The following ABCA13 variants were observed in gnomAD, a reference collection of about 807,000 sequenced individuals.
The protein encoded by ABCA13 is ATP binding cassette subfamily A member 13.
ABCA13 carries 476 observed loss-of-function variants against 478.7 expected under a neutral mutation model. The ratio of observed to expected loss-of-function variants is 0.99; its 90% CI spans 0.92 to 1.07. The LOEUF (loss-of-function observed/expected upper bound fraction) is 1.07, where lower values mean the gene tolerates loss of function less well. Among genes scored for constraint, ABCA13 ranks in the 50% least tolerant of loss-of-function variants. The pLI is 0.00. For missense variants in ABCA13, 6,060 were observed against 5,910.6 expected (o/e 1.03, Z -0.83); for synonymous variants, 2,252 against 2,158.9 (o/e 1.04, Z -1.20).
intron 59 of ABCA13, among the ~76,000 whole-genome samples, chr7:48,622,557 A>T (rs1396913446): frequency 2.0e-5 from 3 of 152,134 alleles, no homozygotes; most frequent in Non-Finnish European, 4.4e-5. Context: ...TTGCATCACT[A>T]TATTCCCTTC....
At chr7:48,546,109 G>A (rs1646103881) in intron 55 of ABCA13, among the ~76,000 whole-genome samples, 1 of 151,710 alleles carries the variant, frequency 6.6e-6, no homozygotes, top group Non-Finnish European at 1.5e-5. Context: ...GAAACAAGGT[G>A]GCAGGTCACC....
chr7:48,231,709 G>A (rs1562833082), intron 7 of ABCA13, among the ~76,000 whole-genome samples: 3 of 151,854 alleles, frequency 2.0e-5, no homozygotes, highest in Non-Finnish European at 4.4e-5. Context: ...TTGCCCAGGC[G>A]GCAGTGCAGC....
chr7:48,207,324 G>C (rs1785056120), intron 3 of ABCA13, among the ~76,000 whole-genome samples: 1 of 151,952 alleles, frequency 6.6e-6, no homozygotes. Context: ...ACAGCAGTTG[G>C]ATTGCTAGAT....
At chr7:48,486,181 A>G (rs932738929) in intron 47 of ABCA13, among the ~76,000 whole-genome samples, 2 of 152,166 alleles carry the variant, frequency 1.3e-5, no homozygotes, top group African/African-American at 4.8e-5. Flanking sequence ...ATGCCAGAAT[A>G]CTAGAGGACA....
At chr7:48,454,929 T>C in intron 42 of ABCA13, 108 bp from the exon 43 acceptor site, 4 of 1,385,434 alleles carry the variant, frequency 2.9e-6, no homozygotes, top group Non-Finnish European at 3.8e-6. Context: ...CTGCGTCGCA[T>C]TCCCATGGCT....
intron 5 of ABCA13, among the ~76,000 whole-genome samples, chr7:48,221,766 G>A (rs1040292038): frequency 2.0e-5 from 3 of 152,188 alleles, no homozygotes; most frequent in Non-Finnish European, 2.9e-5. Flanking sequence ...GTGGACCAGT[G>A]GGGAGGGTAA....
intron 59 of ABCA13, among the ~76,000 whole-genome samples, chr7:48,634,467 G>A (rs1409933533): frequency 6.6e-6 from 1 of 152,040 alleles, no homozygotes; most frequent in East Asian, 1.9e-4. Flanking sequence ...TTTCATTTCT[G>A]ATACTAGTAA....
In ABCA13 at chr7:48,481,187, G is replaced by T. The variant is rs1219255110; in HGVS notation, c.13094+33G>T. On this transcript the variant is annotated intron_variant, in intron 46 of 61. Coordinates refer to ENST00000435803, the MANE Select transcript of ABCA13 (RefSeq NM_152701.5). Reference sequence around the variant, plus strand: ...CAATACTCTTGTTGGGTCTTTACTTGTTTGGATTACTATGGAAAACTTATT... The same window carrying T: ...CAATACTCTTGTTGGGTCTTTACTTTTTTGGATTACTATGGAAAACTTATT... The T allele has an allele frequency of 4.1e-6, 6 of 1,453,816 alleles. No individual in the cohort carries two copies. The East Asian group carries it at 1.5e-4, about 36-fold the overall frequency. The allele number at this position is 1,453,816 out of a possible 1,614,324, so 90.1% of individuals were successfully genotyped here.
At chr7:48,184,522 AG>A (rs1796110216) in intron 1 of ABCA13, among the ~76,000 whole-genome samples, 1 of 152,178 alleles carries the variant, frequency 6.6e-6, no homozygotes, top group African/African-American at 2.4e-5. Flanking sequence ...ATTTTAAAAA[AG>A]TTTCGTTTAC....
intron 35 of ABCA13, among the ~76,000 whole-genome samples, chr7:48,387,178 T>C (rs1012552902): frequency 6.6e-6 from 1 of 152,130 alleles, no homozygotes; most frequent in African/African-American, 2.4e-5. Flanking sequence ...TTTAGGTAAG[T>C]TACGTTCATC....
intron 3 of ABCA13, among the ~76,000 whole-genome samples, chr7:48,214,802 T>C (rs1562794778): frequency 6.6e-6 from 1 of 152,224 alleles, no homozygotes; most frequent in Non-Finnish European, 1.5e-5. Context: ...TTGTGGCTGA[T>C]TTGATCTATC....
intron 44 of ABCA13, among the ~76,000 whole-genome samples, chr7:48,471,053 G>T (rs776379033): frequency 1.2e-4 from 19 of 152,150 alleles, no homozygotes; most frequent in Non-Finnish European, 1.2e-4. Context: ...TTTCATAACT[G>T]TTTCTGTTGC....
intron 39 of ABCA13, among the ~76,000 whole-genome samples, chr7:48,407,380 A>T (rs1008577966): frequency 6.7e-6 from 1 of 150,360 alleles, no homozygotes; most frequent in Non-Finnish European, 1.5e-5. Context: ...GGAGGCTGAG[A>T]CATGAGAATC....
intron 31 of ABCA13, among the ~76,000 whole-genome samples, chr7:48,352,883 C>T (rs1160200315): frequency 6.6e-6 from 1 of 151,870 alleles, no homozygotes; most frequent in Non-Finnish European, 1.5e-5. Context: ...GTATACTGGA[C>T]AGGGTGGTGA....
intron 59 of ABCA13, among the ~76,000 whole-genome samples, chr7:48,627,591 T>C (rs1392952175): frequency 2.0e-5 from 3 of 152,204 alleles, no homozygotes; most frequent in Non-Finnish European, 4.4e-5. Flanking sequence ...AATACGTATT[T>C]TATAGTATTT....
At chr7:48,587,314 G>A in intron 57 of ABCA13, 26 bp downstream of exon 57, 1 of 1,579,446 alleles carries the variant, frequency 6.3e-7, no homozygotes, top group Non-Finnish European at 8.6e-7. Flanking sequence ...TCAATATCTT[G>A]GAGTAAGATA....
intron 8 of ABCA13, among the ~76,000 whole-genome samples, chr7:48,237,780 C>T (rs1263551154): frequency 2.0e-5 from 3 of 152,194 alleles, no homozygotes; most frequent in African/African-American, 4.8e-5. Flanking sequence ...CTCCTGTGAC[C>T]TCACTTCAGC....
intron 42 of ABCA13, among the ~76,000 whole-genome samples, chr7:48,440,500 T>C (rs1823434228): frequency 6.6e-6 from 1 of 152,194 alleles, no homozygotes; most frequent in African/African-American, 2.4e-5. Context: ...TATGTCAAAA[T>C]TTATTTAAAC....
At chr7:48,496,722 G>A (rs965495202) in intron 48 of ABCA13, among the ~76,000 whole-genome samples, 3 of 151,998 alleles carry the variant, frequency 2.0e-5, no homozygotes, top group Non-Finnish European at 2.9e-5. Context: ...ATTCATGGTT[G>A]ACAATTAAAG....
Sources: allele counts gnomAD v4.1 joint callset (sites outside exome capture counted in the v4.1 genomes callset), GRCh38; gene constraint gnomAD v4.1.1; transcripts MANE v1.5; gene names NCBI Gene and HGNC (gene_info 2026-07-23, HGNC 2026-07-21).